EPB41L4A: variants seen among roughly 807,000 people sequenced by gnomAD.
EPB41L4A encodes erythrocyte membrane protein band 4.1 like 4A.
Under a neutral mutation model 108.6 loss-of-function variants are expected in EPB41L4A, and 100 were observed. The ratio of observed to expected loss-of-function variants is 0.92; its 90% CI spans 0.78 to 1.09. The LOEUF is 1.09. EPB41L4A is among the 50% of genes least tolerant of loss of function. The pLI is 0.00. For synonymous variants in EPB41L4A, 319 were observed against 289.0 expected (o/e 1.10, Z -1.05); for missense variants, 1,030 against 842.7 (o/e 1.22, Z -2.75).
intron 1 of EPB41L4A, among the ~76,000 whole-genome samples, chr5:112,390,930 G>C (rs1464299298): frequency 1.3e-5 from 2 of 152,200 alleles, no homozygotes; most frequent in African/African-American, 4.8e-5. Flanking sequence ...CAGGCAAACA[G>C]GGTCTGTAGT....
At chr5:112,180,944 C>T (rs1306341199) in intron 18 of EPB41L4A, among the ~76,000 whole-genome samples, 1 of 152,068 alleles carries the variant, frequency 6.6e-6, no homozygotes, top group African/African-American at 2.4e-5. Context: ...AGTAAGCACA[C>T]AAAAATGTGG....
intron 9 of EPB41L4A, among the ~76,000 whole-genome samples, chr5:112,245,157 T>C (rs1750114641): frequency 1.3e-5 from 2 of 150,790 alleles, no homozygotes; most frequent in Admixed American, 6.6e-5. Context: ...GAAAATACTA[T>C]TTATATTTTA....
intron 1 of EPB41L4A, among the ~76,000 whole-genome samples, chr5:112,375,051 A>C (rs1487257687): frequency 6.6e-6 from 1 of 152,188 alleles, no homozygotes; most frequent in Non-Finnish European, 1.5e-5. Flanking sequence ...TCTCCACCCC[A>C]GATCAGCAGG....
At position 112,184,128 on chromosome 5, in the gene EPB41L4A, G is replaced by A; in HGVS notation, c.1510C>T (p.Gln504Ter). The stretch of plus-strand genomic sequence containing the variant: ...GCTGAATCAACCATATCATTCTCCT[G>A]CCGTATTCTGAAAGGAAAGCCATGC... ...EYRKKRNRIR[Q>*]ENDMVDSAPQ... The change falls in exon 18 of 23, where the codon CAG becomes TAG. Residue 504 changes from glutamine to a stop codon, truncating the protein, a stop_gained. Transcript: ENST00000261486. LOFTEE classifies it high-confidence loss of function. 6.2e-7 allele frequency: 1 copy of A among 1,613,748 alleles called. No homozygotes were observed. The highest frequency in any genetic ancestry group is 8.5e-7 in the Non-Finnish European group (1 of 1,179,824).
intron 18 of EPB41L4A, among the ~76,000 whole-genome samples, chr5:112,171,788 T>A (rs945804338): frequency 6.6e-6 from 1 of 152,222 alleles, no homozygotes; most frequent in Non-Finnish European, 1.5e-5. Flanking sequence ...TTTTTCTTCA[T>A]AGTGAGAAAA....
In EPB41L4A at chr5:112,264,873, A is replaced by G. The variant is rs201564610; in HGVS notation, c.554+23T>C. The G allele has an allele frequency of 1.1e-3, 1,764 of 1,599,046 alleles. 5 individuals carry two copies. The highest frequency in any genetic ancestry group is 6.0e-3 in the Middle Eastern group (36 of 5,996). ...ATGATGACTGATGGATGATGCAATA[A>G]GACATGGTGTAATGATTCTTACATT... On this transcript the variant is annotated intron_variant, in intron 6 of 22. Coordinates refer to ENST00000261486, the MANE Select transcript of EPB41L4A (RefSeq NM_022140.5).
chr5:112,164,153 C>G lies in EPB41L4A; in HGVS notation c.*837G>C, dbSNP rs939403169. On this transcript the variant is annotated 3_prime_UTR_variant, in exon 23 of 23. Transcript: ENST00000261486. ...ACTTACACTTCTGAAAACGCAAGAACACTTTAGAAATTAACAACACTTAAA... is the reference window on the plus strand; with the variant it reads ...ACTTACACTTCTGAAAACGCAAGAAGACTTTAGAAATTAACAACACTTAAA... The G allele has an allele frequency of 6.6e-6, 1 of 152,196 alleles. No individual in the cohort carries two copies. Among genetic ancestry groups the G allele is most frequent in the African/African-American group, 2.4e-5 (1 of 41,454 alleles). 9.4% of individuals were successfully genotyped at this position (152,196 alleles called of 1,614,324 possible).
intron 15 of EPB41L4A, chr5:112,196,618 T>G (rs1761978372): frequency 6.6e-6 from 1 of 152,246 alleles, no homozygotes; most frequent in Admixed American, 6.5e-5. Context: ...ATGCTGATAC[T>G]CAACATGTTC....
chr5:112,299,107 T>C (rs1055941774), intron 2 of EPB41L4A, among the ~76,000 whole-genome samples: 3 of 152,236 alleles, frequency 2.0e-5, no homozygotes, highest in African/African-American at 7.2e-5. Context: ...GCTGTTTGTT[T>C]CATTTATCTT....
intron 12 of EPB41L4A, among the ~76,000 whole-genome samples, chr5:112,146,553 G>T (rs534858451): frequency 6.6e-6 from 1 of 152,056 alleles, no homozygotes; most frequent in Non-Finnish European, 1.5e-5. Flanking sequence ...GCAATGTGTG[G>T]ACATGAAACA....
intron 1 of EPB41L4A, among the ~76,000 whole-genome samples, chr5:112,395,941 C>G (rs941933774): frequency 2.6e-5 from 4 of 152,180 alleles, no homozygotes; most frequent in Non-Finnish European, 5.9e-5. Flanking sequence ...GAGTTCATGT[C>G]CTTTGTAGGG....
chr5:112,181,869 T>A (rs993292995), intron 18 of EPB41L4A, among the ~76,000 whole-genome samples: 5 of 152,022 alleles, frequency 3.3e-5, no homozygotes, highest in Admixed American at 1.3e-4. Flanking sequence ...GGTCAGGAGT[T>A]TGAGACCAGC....
chr5:112,361,867 C>G (rs1472072022), intron 1 of EPB41L4A, among the ~76,000 whole-genome samples: 1 of 152,064 alleles, frequency 6.6e-6, no homozygotes. Context: ...GCCTGGTCAA[C>G]AGAGCAAGAC....
At chr5:112,173,446 T>C (rs1368666711) in intron 18 of EPB41L4A, 1 of 152,126 alleles carries the variant, frequency 6.6e-6, no homozygotes, top group East Asian at 1.9e-4. Flanking sequence ...TGAGTGCTGG[T>C]ATTGCAGGTA....
At chr5:112,278,430 T>C (rs948610491) in intron 3 of EPB41L4A, among the ~76,000 whole-genome samples, 1 of 151,960 alleles carries the variant, frequency 6.6e-6, no homozygotes, top group Non-Finnish European at 1.5e-5. Flanking sequence ...TTTTGTATTT[T>C]TAGCAGAGAC....
chr5:112,396,027 C>G (rs895346548), intron 1 of EPB41L4A, among the ~76,000 whole-genome samples: 18 of 152,248 alleles, frequency 1.2e-4, no homozygotes, highest in African/African-American at 4.3e-4. Context: ...CATGTTCTCA[C>G]TCATAGGTGG....
chr5:112,406,779 T>C (rs1449668534), intron 1 of EPB41L4A, among the ~76,000 whole-genome samples: 2 of 151,794 alleles, frequency 1.3e-5, no homozygotes, highest in Admixed American at 6.6e-5. Flanking sequence ...ACACAGTGAG[T>C]GAGCACCAAA....
chr5:112,337,717 G>A (rs895748052), intron 1 of EPB41L4A, among the ~76,000 whole-genome samples: 15 of 152,114 alleles, frequency 9.9e-5, no homozygotes, highest in African/African-American at 3.4e-4. Context: ...AGTGATAAGG[G>A]CATCTAAACA....
chr5:112,218,090 TCA>T (rs1561484567), intron 12 of EPB41L4A, among the ~76,000 whole-genome samples: 9 of 152,188 alleles, frequency 5.9e-5, no homozygotes, highest in African/African-American at 1.9e-4. Context: ...GTGGAGGTAC[TCA>T]CAGACAGTCC....
Sources: allele counts gnomAD v4.1 joint callset (sites outside exome capture counted in the v4.1 genomes callset), GRCh38; gene constraint gnomAD v4.1.1; transcripts MANE v1.5; gene names NCBI Gene and HGNC (gene_info 2026-07-23, HGNC 2026-07-21).